MTCL1: variants seen among roughly 807,000 people sequenced by gnomAD.
MTCL1 encodes microtubule cross-linking factor 1.
A neutral mutation model predicts 141.4 loss-of-function variants in MTCL1; 79 were observed. That is an observed-to-expected ratio of 0.56 (90% CI 0.47 to 0.67). The LOEUF is 0.67. MTCL1 is among the 30% of genes least tolerant of loss of function. The pLI is 0.00. For synonymous variants in MTCL1, 914 were observed against 875.8 expected (o/e 1.04, Z -0.77); for missense variants, 2,177 against 2,113.9 (o/e 1.03, Z -0.59).
At chr18:8,806,680 C>T (rs539033672) in intron 10 of MTCL1, among the ~76,000 whole-genome samples, 1 of 152,154 alleles carries the variant, frequency 6.6e-6, no homozygotes, top group East Asian at 1.9e-4. Flanking sequence ...ATCAAACAGG[C>T]CCTCAGTCTC....
chr18:8,734,756 G>A (rs76483851), intron 4 of MTCL1, among the ~76,000 whole-genome samples: 1,587 of 152,272 alleles, frequency 0.01, 66 homozygotes, highest in East Asian at 0.094. Context: ...CTGGCTGCAC[G>A]GTAGCATCCC....
chr18:8,784,252 C>T, exon 6 of MTCL1: 1 of 1,606,532 alleles, frequency 6.2e-7, no homozygotes, highest in Middle Eastern at 1.7e-4. Flanking sequence ...TGCGTGCCCC[C>T]AGTCCCCGGG....
chr18:8,802,434 CT>C (rs2076153312), intron 10 of MTCL1: 1 of 152,296 alleles, frequency 6.6e-6, no homozygotes, highest in African/African-American at 2.4e-5. Flanking sequence ...TGGTTTAGCT[CT>C]TTTGTGGAGC....
intron 1 of MTCL1, among the ~76,000 whole-genome samples, chr18:8,708,262 G>A (rs1021956062): frequency 2.0e-5 from 3 of 152,194 alleles, no homozygotes; most frequent in African/African-American, 7.2e-5. Flanking sequence ...AGGGAAAACT[G>A]TATTTCTTTA....
At chr18:8,799,100 G>A (rs903624172) in intron 10 of MTCL1, among the ~76,000 whole-genome samples, 2 of 152,204 alleles carry the variant, frequency 1.3e-5, no homozygotes, top group Non-Finnish European at 2.9e-5. Context: ...AGGGGCAGGT[G>A]GCCACGGGGA....
chr18:8,732,824 GT>G (rs113920071), intron 4 of MTCL1, among the ~76,000 whole-genome samples: 7 of 152,208 alleles, frequency 4.6e-5, no homozygotes, highest in African/African-American at 1.7e-4. Context: ...AATGTTGGGG[GT>G]GGGGGCAGTT....
In MTCL1 at chr18:8,825,032, C is replaced by T. The variant is rs115043055; in HGVS notation, c.3522C>T (p.Cys1174=). 1.3e-3 allele frequency: 2,067 copies of T among 1,613,070 alleles called. 19 individuals carry two copies. The African/African-American group carries it at 0.024, about 19-fold the overall frequency. The change falls in exon 15 of 17, where the codon TGC becomes TGT. Residue 1174 remains cysteine (C), a synonymous_variant. Transcript: ENST00000359865. Reference sequence around the variant, plus strand: ...ACACCATGACCAGCCCAGAGCACTGCCAGAAGCAGCCACTGCGGAGCCACG... The same window carrying T: ...ACACCATGACCAGCCCAGAGCACTGTCAGAAGCAGCCACTGCGGAGCCACG...
chr18:8,761,544 A>G (rs181561738), intron 4 of MTCL1, among the ~76,000 whole-genome samples: 48 of 152,216 alleles, frequency 3.2e-4, no homozygotes, highest in African/African-American at 8.4e-4. Flanking sequence ...TTCTATCTCT[A>G]TGAATTTGTC....
chr18:8,763,752 A>C (rs369068042), intron 4 of MTCL1, among the ~76,000 whole-genome samples: 10 of 152,226 alleles, frequency 6.6e-5, no homozygotes, highest in African/African-American at 2.2e-4. Flanking sequence ...GAGAACACAC[A>C]TCATCGGTTT....
At chr18:8,781,365 G>T (rs1272251809) in intron 5 of MTCL1, among the ~76,000 whole-genome samples, 1 of 152,028 alleles carries the variant, frequency 6.6e-6, no homozygotes, top group African/African-American at 2.4e-5. Flanking sequence ...CAGTAGTTGT[G>T]AGTAGGGCAG....
chr18:8,824,633 A>G (rs1381665960), intron 14 of MTCL1, 66 bp from the exon 14 acceptor site: 4 of 1,375,742 alleles, frequency 2.9e-6, no homozygotes, highest in Middle Eastern at 2.0e-4. Flanking sequence ...AGGGCAGGAC[A>G]TGGGTGTTGT....
chr18:8,797,723 A>G, intron 9 of MTCL1, among the ~76,000 whole-genome samples: 1 of 152,246 alleles, frequency 6.6e-6, no homozygotes, highest in Non-Finnish European at 1.5e-5. Flanking sequence ...CCAGCTTCCA[A>G]CTATCCGTGA....
intron 6 of MTCL1, among the ~76,000 whole-genome samples, chr18:8,785,372 A>G (rs1339739114): frequency 1.3e-5 from 2 of 152,212 alleles, no homozygotes; most frequent in African/African-American, 4.8e-5. Flanking sequence ...GGATCAGCCA[A>G]AGCGGGCGAG....
At chr18:8,783,695 G>A in exon 6 of MTCL1, 1 of 1,609,176 alleles carries the variant, frequency 6.2e-7, no homozygotes, top group Non-Finnish European at 8.5e-7. Flanking sequence ...GCCCACGGGG[G>A]AAGCAGGCGG....
At chr18:8,825,198 C>T (rs373969568) in exon 15 of MTCL1, 12 of 1,584,444 alleles carry the variant, frequency 7.6e-6, no homozygotes, top group African/African-American at 1.3e-5. Flanking sequence ...CAAGGGAGGC[C>T]CTCCAGAACC....
intron 4 of MTCL1, among the ~76,000 whole-genome samples, chr18:8,758,086 G>A (rs373427886): frequency 6.9e-4 from 103 of 149,752 alleles, no homozygotes; most frequent in Middle Eastern, 3.4e-3. Flanking sequence ...GTGCAATGGC[G>A]CGATCTCGGC....
chr18:8,802,047 T>A (rs549647370), intron 10 of MTCL1: 1 of 152,306 alleles, frequency 6.6e-6, no homozygotes, highest in African/African-American at 2.4e-5. Context: ...ACAATGAAGG[T>A]TACATTGAGG....
chr18:8,784,759 C>G, exon 6 of MTCL1: 1 of 1,614,184 alleles, frequency 6.2e-7, no homozygotes, highest in Non-Finnish European at 8.5e-7. Context: ...TCACAGAGTC[C>G]TCTAGCTTCC....
chr18:8,745,515 T>C (rs1323688378), intron 4 of MTCL1, among the ~76,000 whole-genome samples: 1 of 152,214 alleles, frequency 6.6e-6, no homozygotes, highest in East Asian at 1.9e-4. Flanking sequence ...GTTGTCTGGA[T>C]GTACCACACA....
Sources: gnomAD v4.1 joint callset for allele counts (sites outside exome capture counted in the v4.1 genomes callset) on GRCh38, gnomAD v4.1.1 for gene constraint, MANE v1.5 for transcripts, NCBI Gene and HGNC (gene_info 2026-07-23, HGNC 2026-07-21) for gene names.